Variants in CACNA1C observed in about 807,000 individuals in gnomAD.
CACNA1C encodes the protein voltage-dependent L-type calcium channel subunit alpha-1C.
CACNA1C carries 30 observed loss-of-function variants against 229.0 expected under a neutral mutation model. That is an observed-to-expected ratio of 0.13 (90% CI 0.10 to 0.18). CACNA1C has a LOEUF of 0.18. Among genes scored for constraint, CACNA1C ranks in the 10% least tolerant of loss-of-function variants. CACNA1C has a pLI of 1.00. For synonymous variants in CACNA1C, 1,114 were observed against 1,132.5 expected (o/e 0.98, Z 0.33); for missense variants, 1,658 against 2,845.0 (o/e 0.58, Z 9.49).
chr12:2,448,161 G>C (rs141269978), intron 3 of CACNA1C, among the ~76,000 whole-genome samples: 11 of 152,254 alleles, frequency 7.2e-5, no homozygotes, highest in African/African-American at 2.6e-4. Context: ...TGTCCTGTTC[G>C]CTCTGGGCTC....
chr12:2,451,891 C>T lies in CACNA1C; in HGVS notation c.617+2776C>T, dbSNP rs145815613. Among the ~76,000 whole-genome samples, 538 of 152,304 alleles carry T rather than the reference C, an allele frequency of 3.5e-3. 3 individuals are homozygous for T. Among genetic ancestry groups the T allele is most frequent in the African/African-American group, 0.012 (504 of 41,560 alleles). ...GTCTTGCACTGGGACATATTTGGCA[C>T]CTAGTCTCTCTTCTCCTAAGGGCTC... On this transcript the variant is annotated intron_variant, in intron 4 of 46. Coordinates refer to ENST00000399655, the MANE Select transcript of CACNA1C (RefSeq NM_000719.7).
In CACNA1C at chr12:2,085,393, G is replaced by A. The variant is rs145520340; in HGVS notation, c.50-29831G>A. On this transcript the variant is annotated intron_variant, in intron 1 of 46. Coordinates refer to ENST00000399655, the MANE Select transcript of CACNA1C (RefSeq NM_000719.7). ...ACATTTTTAATTTTTTAATTGAATAGCTGCAGAATGTTTTAATTTTTCAAA... is the reference window on the plus strand; with the variant it reads ...ACATTTTTAATTTTTTAATTGAATAACTGCAGAATGTTTTAATTTTTCAAA... 2.6e-5 allele frequency among the ~76,000 whole-genome samples: 4 copies of A among 152,186 alleles called. No individual in the cohort carries two copies. The East Asian group carries it at 7.7e-4, about 29-fold the overall frequency.
At chr12:2,210,031 A>T (rs533031136) in intron 3 of CACNA1C, among the ~76,000 whole-genome samples, 4 of 152,210 alleles carry the variant, frequency 2.6e-5, no homozygotes, top group East Asian at 3.8e-4. Flanking sequence ...AGAGAAAGAG[A>T]TGCTTATCCT....
At chr12:2,397,511 C>T (rs1326494990) in intron 3 of CACNA1C, among the ~76,000 whole-genome samples, 1 of 152,256 alleles carries the variant, frequency 6.6e-6, no homozygotes, top group Non-Finnish European at 1.5e-5. Flanking sequence ...CACCTACATT[C>T]AGACTCTCAT....
At chr12:2,497,969 T>TCACACATACACACACACACA (rs2099750335) in intron 7 of CACNA1C, among the ~76,000 whole-genome samples, 1 of 143,916 alleles carries the variant, frequency 6.9e-6, no homozygotes, top group African/African-American at 2.5e-5. Context: ...TCTATTAAAT[T>TCACACATACACACACACACA]CACACACACA....
chr12:2,082,423 T>C (rs1251143466), intron 1 of CACNA1C, among the ~76,000 whole-genome samples: 2 of 152,226 alleles, frequency 1.3e-5, no homozygotes, highest in Non-Finnish European at 2.9e-5. Flanking sequence ...CAGCGTCTCC[T>C]GCATCCTTGC....
intron 1 of CACNA1C, among the ~76,000 whole-genome samples, chr12:2,063,204 T>G (rs1594771406): frequency 6.9e-6 from 1 of 144,404 alleles, no homozygotes; most frequent in African/African-American, 2.6e-5. Flanking sequence ...CAGGCTGGAG[T>G]GCAGTGGTAC....
In CACNA1C at chr12:2,115,381, C is replaced by T; in HGVS notation, c.207C>T (p.Gly69=). 1 of 1,608,382 alleles carries T rather than the reference C, an allele frequency of 6.2e-7. No homozygotes were observed. The highest frequency in any genetic ancestry group is 1.7e-5 in the Admixed American group (1 of 59,370). ...ARQAKLMGSA[G]NATISTVSST... ...AGGCTAAGCTGATGGGCAGCGCTGG[C>T]AATGCGACCATCTCCACAGTCAGCT... The change falls in exon 2 of 47, where the codon GGC becomes GGT. Residue 69 remains glycine (G), a synonymous_variant. Coordinates refer to ENST00000399655, the MANE Select transcript of CACNA1C (RefSeq NM_000719.7).
chr12:2,232,325 C>G (rs1276355252), intron 3 of CACNA1C, among the ~76,000 whole-genome samples: 1 of 136,122 alleles, frequency 7.3e-6, no homozygotes, highest in Non-Finnish European at 1.5e-5. Flanking sequence ...TGTAGAATGT[C>G]TCTTAATCTG....
chr12:1,974,829 C>G lies in CACNA1C; in HGVS notation c.139+3628C>G, dbSNP rs1301460238. Among the ~76,000 whole-genome samples the G allele has an allele frequency of 2.6e-5, 4 of 152,150 alleles. No individual in the cohort carries two copies. The East Asian group carries it at 7.7e-4, about 29-fold the overall frequency. ...GAATCTCAATGTACATAAATAAGTC[C>G]AGTCTCCTATAATCGCAGTTTTTGA... On this transcript the variant is annotated intron_variant, in intron 1 of 46. Transcript: ENST00000682462.
chr12:2,603,842 A>G (rs1214034330), intron 22 of CACNA1C: 1 of 152,282 alleles, frequency 6.6e-6, no homozygotes, highest in East Asian at 1.9e-4. Flanking sequence ...CAGAGCCTAT[A>G]GAATGCAGAC....
intron 13 of CACNA1C, among the ~76,000 whole-genome samples, chr12:2,572,833 CCTT>C (rs1222236145): frequency 8.1e-6 from 1 of 123,334 alleles, no homozygotes; most frequent in Non-Finnish European, 1.7e-5. Flanking sequence ...CTCCCCTCCT[CCTT>C]CTCTTCCTCC....
At chr12:2,572,892 CTCT>C (rs1402874239) in intron 13 of CACNA1C, among the ~76,000 whole-genome samples, 3 of 118,280 alleles carry the variant, frequency 2.5e-5, no homozygotes, top group Non-Finnish European at 5.4e-5. Context: ...TCCTCTCCTC[CTCT>C]TCTTCCTCCT....
upstream of CACNA1C, among the ~76,000 whole-genome samples, chr12:2,051,985 G>C (rs1297465598): frequency 6.6e-6 from 1 of 152,180 alleles, no homozygotes; most frequent in Non-Finnish European, 1.5e-5. Flanking sequence ...GGCAGGTAGA[G>C]GTTTTCCCCA....
intron 3 of CACNA1C, among the ~76,000 whole-genome samples, chr12:2,253,347 A>G (rs939194231): frequency 5.9e-5 from 9 of 152,220 alleles, no homozygotes; most frequent in African/African-American, 1.9e-4. Context: ...TGTGTGTCCT[A>G]TATCTTACTT....
At chr12:2,080,644 A>G (rs1440540271) in intron 1 of CACNA1C, among the ~76,000 whole-genome samples, 1 of 152,138 alleles carries the variant, frequency 6.6e-6, no homozygotes, top group East Asian at 1.9e-4. Flanking sequence ...AGAAATAGAA[A>G]GCATAATAAA....
rs552811932 is a variant in CACNA1C, at chr12:2,283,531, C to G, written c.477+163101C>G. Among the ~76,000 whole-genome samples the G allele has an allele frequency of 2.2e-4, 34 of 152,322 alleles. 2 individuals carry two copies. In the South Asian group the frequency reaches 6.2e-3, roughly 28 times the overall value. On this transcript the variant is annotated intron_variant, in intron 3 of 46. Transcript: ENST00000399655. ...CACGAGCCAGTCTGTCCTGTATACT[C>G]ACTGGATTAGGGATTCCACTTTCAG...
In CACNA1C at chr12:2,493,338, G is replaced by A. The variant is rs757055492; in HGVS notation, c.1065G>A (p.Thr355=). The change falls in exon 7 of 47, where the codon ACG becomes ACA. Residue 355 remains threonine (T), a synonymous_variant. Coordinates refer to ENST00000399655, the MANE Select transcript of CACNA1C (RefSeq NM_000719.7). The surrounding 1 kb of genome is among the most constrained non-coding windows in gnomAD (Gnocchi z 4.6). ...NFDNFAFAML[T]VFQCITMEGW... ...ACAACTTTGCCTTCGCCATGCTCAC[G>A]GTGTTCCAGTGCATCACCATGGAGG... 21 of 1,614,028 alleles carry A rather than the reference G, an allele frequency of 1.3e-5. No homozygotes were observed. The East Asian group carries it at 1.6e-4, about 12-fold the overall frequency.
intron 3 of CACNA1C, among the ~76,000 whole-genome samples, chr12:2,194,574 C>T (rs1334102738): frequency 6.6e-6 from 1 of 152,072 alleles, no homozygotes; most frequent in Non-Finnish European, 1.5e-5. Flanking sequence ...GGTCTCCTTG[C>T]CTATCTTCCT....
Sources: allele counts gnomAD v4.1 joint callset (sites outside exome capture counted in the v4.1 genomes callset), GRCh38; gene constraint gnomAD v4.1.1; non-coding constraint Gnocchi (gnomAD v3.1); transcripts MANE v1.5; gene names NCBI Gene and HGNC (gene_info 2026-07-23, HGNC 2026-07-21).